PRDM2: variants seen among roughly 807,000 people sequenced by gnomAD.
The protein encoded by PRDM2 is PR domain zinc finger protein 2.
PRDM2 carries 30 observed loss-of-function variants against 130.0 expected under a neutral mutation model. The observed-to-expected ratio is 0.23, with a 90% CI of 0.17 to 0.31. The LOEUF is 0.31. PRDM2 is among the 10% of genes least tolerant of loss of function. The pLI is 1.00. For synonymous variants in PRDM2, 871 were observed against 782.4 expected, an observed-to-expected ratio of 1.11 and a Z score of -1.89; for missense variants, 2,011 against 2,108.4, an observed-to-expected ratio of 0.95 and a Z score of 0.90.
At chr1:13,700,873 T>TGC (rs1642052666) in intron 1 of PRDM2, among the ~76,000 whole-genome samples, 1 of 152,172 alleles carries the variant, frequency 6.6e-6, no homozygotes, top group Non-Finnish European at 1.5e-5. Context: ...TGTGTGTGTG[T>TGC]GCGCACGCGC....
At chr1:13,754,070 T>A (rs2100555475) in intron 6 of PRDM2, among the ~76,000 whole-genome samples, 1 of 151,958 alleles carries the variant, frequency 6.6e-6, no homozygotes, top group African/African-American at 2.4e-5. Flanking sequence ...AGGTGGGAGA[T>A]CAGGGGTGAC....
chr1:13,822,449 G>A (rs1176946493), intron 9 of PRDM2, among the ~76,000 whole-genome samples: 2 of 150,384 alleles, frequency 1.3e-5, no homozygotes, highest in Admixed American at 1.3e-4. Flanking sequence ...AGGCTGGAGT[G>A]CAGTGGCGCG....
chr1:13,741,666 C>T (rs1188317238), intron 4 of PRDM2, among the ~76,000 whole-genome samples: 1 of 138,792 alleles, frequency 7.2e-6, no homozygotes, highest in African/African-American at 2.8e-5. Flanking sequence ...TCTCTGTGTA[C>T]GTATTTGTAA....
At chr1:13,719,007 G>A (rs565397252) in intron 2 of PRDM2, among the ~76,000 whole-genome samples, 5 of 152,254 alleles carry the variant, frequency 3.3e-5, no homozygotes, top group South Asian at 2.1e-4. Context: ...CAGTGAACTA[G>A]GTGGGCAAGG....
chr1:13,713,140 T>C (rs1642424309), intron 1 of PRDM2, among the ~76,000 whole-genome samples: 1 of 152,210 alleles, frequency 6.6e-6, no homozygotes, highest in African/African-American at 2.4e-5. Context: ...TGCATAGAGA[T>C]TGTAGTAACT....
At chr1:13,761,996 G>C (rs901499626) in intron 6 of PRDM2, among the ~76,000 whole-genome samples, 5 of 152,210 alleles carry the variant, frequency 3.3e-5, no homozygotes, top group Middle Eastern at 3.2e-3. Flanking sequence ...AGTGGAAGCA[G>C]AACGCCATTG....
At position 13,782,098 on chromosome 1, in the gene PRDM2, C is replaced by G; in HGVS notation, c.4303C>G (p.Gln1435Glu). The G allele has an allele frequency of 6.2e-7, 1 of 1,614,016 alleles. No homozygotes were observed. Among genetic ancestry groups the G allele is most frequent in the Non-Finnish European group, 8.5e-7 (1 of 1,180,016 alleles). ...KNQLVQKAIL[Q>E]KNKSAKQKAD... Reference sequence around the variant, plus strand: ...TCAGCTAGTACAGAAAGCAATTCTTCAGAAAAACAAATCTGCAAAGCAGAA... The same window carrying G: ...TCAGCTAGTACAGAAAGCAATTCTTGAGAAAAACAAATCTGCAAAGCAGAA... Residue 1435 changes from glutamine (Q) to glutamate (E), a missense_variant, in exon 8 of 10, where the codon CAG becomes GAG. By Grantham distance (29) the Gln-to-Glu change is conservative (BLOSUM62 2). Transcript: ENST00000311066.
At chr1:13,815,337 C>G (rs1475560047) in intron 8 of PRDM2, among the ~76,000 whole-genome samples, 4 of 152,128 alleles carry the variant, frequency 2.6e-5, no homozygotes, top group Admixed American at 2.0e-4. Context: ...GTCTTGAACT[C>G]CTGACCTCAG....
At chr1:13,736,006 C>G (rs145866377) in intron 4 of PRDM2, among the ~76,000 whole-genome samples, 4 of 152,116 alleles carry the variant, frequency 2.6e-5, no homozygotes, top group African/African-American at 9.6e-5. Context: ...GAAATTGATT[C>G]AATTGAGATC....
intron 4 of PRDM2, among the ~76,000 whole-genome samples, chr1:13,736,290 T>C (rs986265512): frequency 1.3e-5 from 2 of 151,976 alleles, no homozygotes; most frequent in African/African-American, 4.8e-5. Flanking sequence ...ATTTTTGTAT[T>C]TTTGGTAGAG....
At chr1:13,737,680 G>A (rs754826046) in intron 4 of PRDM2, among the ~76,000 whole-genome samples, 2 of 152,132 alleles carry the variant, frequency 1.3e-5, no homozygotes, top group South Asian at 4.1e-4. Context: ...CTTCTCTCAG[G>A]AACTGTAGGA....
At position 13,742,149 on chromosome 1, in the gene PRDM2, A is replaced by G; in HGVS notation, c.376A>G (p.Thr126Ala). The G allele has an allele frequency of 6.2e-7, 1 of 1,613,364 alleles. No individual in the cohort carries two copies. Among genetic ancestry groups the G allele is most frequent in the Non-Finnish European group, 8.5e-7 (1 of 1,179,602 alleles). ...AATCAACAGAGCCATTTACTATAAAACTTTAAAGGTAACAGCATTAGAATT... is the reference window on the plus strand; with the variant it reads ...AATCAACAGAGCCATTTACTATAAAGCTTTAAAGGTAACAGCATTAGAATT... ...LEINRAIYYK[T>A]LKPIAPGEEL... The change falls in exon 5 of 10, where the codon ACT becomes GCT. Residue 126 changes from threonine (T) to alanine (A), a missense_variant. Thr to Ala is a moderately conservative substitution (Grantham distance 58, BLOSUM62 0). Around this residue, in one of 5 missense-constraint regions of PRDM2, gnomAD observed 1,288 missense variants for 1,237.7 expected, o/e 1.04. Transcript: ENST00000311066.
chr1:13,782,171 A>G lies in PRDM2; in HGVS notation c.4376A>G (p.Tyr1459Cys). The change falls in exon 8 of 10, where the codon TAC (tyrosine) becomes TGC (cysteine). Residue 1459 changes from tyrosine (Y) to cysteine (C), a missense_variant. Tyr to Cys is a radical substitution (Grantham distance 194). Around this residue, in one of 5 missense-constraint regions of PRDM2, gnomAD observed 410 missense variants for 395.9 expected, o/e 1.04. Coordinates refer to ENST00000311066, the MANE Select transcript of PRDM2 (RefSeq NM_001393986.1). ...ACESSSHICP[Y>C]CNREFTYIGS... ...GAGTCATCCTCTCACATCTGCCCTT[A>G]CTGTAATCGAGAGTTCACTTACATT... 6.2e-7 allele frequency: 1 copy of G among 1,613,856 alleles called. No homozygotes were observed. Among genetic ancestry groups the G allele is most frequent in the Non-Finnish European group, 8.5e-7 (1 of 1,180,006 alleles).
intron 1 of PRDM2, among the ~76,000 whole-genome samples, chr1:13,710,979 G>A (rs1642351383): frequency 6.6e-6 from 1 of 152,016 alleles, no homozygotes; most frequent in Non-Finnish European, 1.5e-5. Context: ...CAGCTACTCG[G>A]GAGGCTGAGG....
At chr1:13,784,214 A>G (rs1644686637) in intron 8 of PRDM2, among the ~76,000 whole-genome samples, 1 of 152,174 alleles carries the variant, frequency 6.6e-6, no homozygotes, top group African/African-American at 2.4e-5. Flanking sequence ...GAAAATAAGC[A>G]CCTGTGTTAT....
intron 6 of PRDM2, among the ~76,000 whole-genome samples, chr1:13,756,934 C>T (rs976057409): frequency 6.6e-6 from 1 of 152,212 alleles, no homozygotes; most frequent in Admixed American, 6.5e-5. Context: ...GCCGAGTTCA[C>T]ACAGGTCCTA....
intron 8 of PRDM2, chr1:13,788,115 G>T (rs1300874489): frequency 1.0e-6 from 1 of 954,220 alleles, no homozygotes; most frequent in African/African-American, 1.8e-5. Flanking sequence ...ATAATTGGGA[G>T]CAGTTAGGGG....
Position 13,787,599 on chromosome 1 carries a change from T to C in PRDM2, c.5036+4768T>C, listed in dbSNP as rs1013633458. 5.1e-6 allele frequency: 5 copies of C among 976,222 alleles called. No homozygotes were observed. In the South Asian group the frequency reaches 1.4e-4, roughly 28 times the overall value. 60.5% of individuals were successfully genotyped at this position (976,222 alleles called of 1,614,324 possible). A position where few individuals can be genotyped will look rare whatever the true frequency, so the allele number is the denominator to read the frequency against. ...TGTTACATTTCTGTTATGGGGACTTTATGTTGAAATATTGTATAAAGCATT... is the reference window on the plus strand; with the variant it reads ...TGTTACATTTCTGTTATGGGGACTTCATGTTGAAATATTGTATAAAGCATT... On this transcript the variant is annotated intron_variant, in intron 8 of 9. Transcript: ENST00000311066.
intron 8 of PRDM2, among the ~76,000 whole-genome samples, chr1:13,805,226 C>T (rs1557671382): frequency 6.6e-6 from 1 of 152,180 alleles, no homozygotes. Context: ...CCTTGCCTGA[C>T]ATCCTCATTT....
Sources: allele counts gnomAD v4.1 joint callset (sites outside exome capture counted in the v4.1 genomes callset), GRCh38; gene constraint gnomAD v4.1.1; regional missense constraint gnomAD v4.1.1; transcripts MANE v1.5; gene names NCBI Gene and HGNC (gene_info 2026-07-23, HGNC 2026-07-21).